RABEP1: variants seen among roughly 807,000 people sequenced by gnomAD.
RABEP1 encodes rab GTPase-binding effector protein 1.
A neutral mutation model predicts 123.4 loss-of-function variants in RABEP1; 51 were observed. The observed-to-expected ratio is 0.41, with a 90% confidence interval of 0.33 to 0.52. The LOEUF is 0.52. Ranked by LOEUF, RABEP1 falls within the 20% of genes least tolerant of loss-of-function variation. RABEP1 has a pLI of 0.16. For missense variants in RABEP1, 888 were observed against 996.3 expected (o/e 0.89, Z 1.46); for synonymous variants, 347 against 355.2 (o/e 0.98, Z 0.26).
chr17:5,365,502 C>T (rs1909933073), intron 11 of RABEP1, among the ~76,000 whole-genome samples: 1 of 151,946 alleles, frequency 6.6e-6, no homozygotes, highest in South Asian at 2.1e-4. Context: ...TTTCCTGCTG[C>T]ACTGGAAACT....
chr17:5,374,024 T>C (rs1286323970), intron 13 of RABEP1, among the ~76,000 whole-genome samples: 1 of 152,174 alleles, frequency 6.6e-6, no homozygotes, highest in East Asian at 1.9e-4. Flanking sequence ...TATCTAGTAC[T>C]TGAAAAGTTA....
In RABEP1 at chr17:5,350,502, C is replaced by A; in HGVS notation, c.836C>A (p.Thr279Lys). 1 of 1,614,052 alleles carries A rather than the reference C, an allele frequency of 6.2e-7. No homozygotes were observed. Among genetic ancestry groups the A allele is most frequent in the Non-Finnish European group, 8.5e-7 (1 of 1,179,988 alleles). Residue 279 changes from threonine (T) to lysine (K), a missense_variant, in exon 7 of 18, where the codon ACG (threonine) becomes AAG (lysine). Coordinates refer to ENST00000537505, the MANE Select transcript of RABEP1 (RefSeq NM_004703.6). The part of the protein sequence containing the change: ...ERQQHNQLKH[T>K]WQKANDQFLE... ...CAACAACACAACCAGTTAAAACATA[C>A]GTGGCAGAAGGCCAATGACCAGTTT...
chr17:5,354,844 C>T (rs1053281360), intron 8 of RABEP1, among the ~76,000 whole-genome samples: 1 of 152,124 alleles, frequency 6.6e-6, no homozygotes, highest in Admixed American at 6.6e-5. Flanking sequence ...TTATCTAAAG[C>T]GCTGAAATGC....
intron 1 of RABEP1, among the ~76,000 whole-genome samples, chr17:5,295,103 C>T (rs1217969886): frequency 6.6e-6 from 1 of 151,844 alleles, no homozygotes; most frequent in East Asian, 1.9e-4. Context: ...TTTTTGAGGA[C>T]AGATGCGGTG....
In RABEP1 at chr17:5,366,972, C is replaced by T. The variant is rs1303982328; in HGVS notation, c.1786-1398C>T. Reference sequence around the variant, plus strand: ...AGTGTTTCGGCGCATTCCTGTAATCCCAGCCACTTGGGAGGCTGAGGCAGG... The same window carrying T: ...AGTGTTTCGGCGCATTCCTGTAATCTCAGCCACTTGGGAGGCTGAGGCAGG... On this transcript the variant is annotated intron_variant, in intron 11 of 17. Transcript: ENST00000537505. Among the ~76,000 whole-genome samples, 8 of 151,232 alleles carry T rather than the reference C, an allele frequency of 5.3e-5. No homozygotes were observed. The East Asian group carries it at 6.2e-4, about 12-fold the overall frequency.
rs533495378 is a variant in RABEP1 at position 5,343,992 on chromosome 17, A to C, written c.649-2798A>C. 3.9e-4 allele frequency among the ~76,000 whole-genome samples: 60 copies of C among 152,232 alleles called. 1 individual carries two copies. The highest frequency in any genetic ancestry group is 1.4e-3 in the African/African-American group (59 of 41,552). On this transcript the variant is annotated intron_variant, in intron 5 of 17. Coordinates refer to ENST00000537505, the MANE Select transcript of RABEP1 (RefSeq NM_004703.6). ...TGCCTGGCCCAAGGTTTCCTAAATAAGACAAAAATATTGACTGTGAAAGGA... is the reference window on the plus strand; with the variant it reads ...TGCCTGGCCCAAGGTTTCCTAAATACGACAAAAATATTGACTGTGAAAGGA...
intron 1 of RABEP1, among the ~76,000 whole-genome samples, chr17:5,290,237 G>A (rs1052250262): frequency 6.6e-6 from 1 of 152,042 alleles, no homozygotes; most frequent in Non-Finnish European, 1.5e-5. Flanking sequence ...ACAGGCGCCC[G>A]CCACCACACC....
At chr17:5,289,821 T>C (rs1234021927) in intron 1 of RABEP1, among the ~76,000 whole-genome samples, 1 of 152,182 alleles carries the variant, frequency 6.6e-6, no homozygotes, top group African/African-American at 2.4e-5. Flanking sequence ...ACCTTTGAAC[T>C]AGCAGAGATA....
chr17:5,349,799 A>G (rs1908364175), intron 6 of RABEP1, among the ~76,000 whole-genome samples: 1 of 151,946 alleles, frequency 6.6e-6, no homozygotes, highest in African/African-American at 2.4e-5. Context: ...CATAATTAAG[A>G]CCCCGAGTTC....
At position 5,343,206 on chromosome 17, in the gene RABEP1, C is replaced by T. The variant is rs576137755; in HGVS notation, c.649-3584C>T. Among the ~76,000 whole-genome samples the T allele has an allele frequency of 3.3e-5, 5 of 152,154 alleles. No individual in the cohort carries two copies. In the South Asian group the frequency reaches 1.0e-3, roughly 32 times the overall value. On this transcript the variant is annotated intron_variant, in intron 5 of 17. Transcript: ENST00000537505. ...GGCGGAGGTTGCGGGGAGCCAAGAT[C>T]GCACCATTGCACTCCAGCCTAGGCG...
chr17:5,374,165 T>C lies in RABEP1; in HGVS notation c.2025+711T>C, dbSNP rs1235033786. The stretch of plus-strand genomic sequence containing the variant: ...CACTGCAACCTCCGCCTCACAGGTT[T>C]AAACGATTCTCCTGCCTCAGCCTCC... On this transcript the variant is annotated intron_variant, in intron 13 of 17. Transcript: ENST00000537505. 3.8e-3 allele frequency among the ~76,000 whole-genome samples: 568 copies of C among 150,174 alleles called. 3 individuals are homozygous for C. Among genetic ancestry groups the C allele is most frequent in the African/African-American group, 0.013 (538 of 40,342 alleles).
At chr17:5,308,189 G>A (rs1426518226) in intron 1 of RABEP1, among the ~76,000 whole-genome samples, 1 of 151,032 alleles carries the variant, frequency 6.6e-6, no homozygotes, top group East Asian at 1.9e-4. Flanking sequence ...CACTTTACAT[G>A]ACTCATTTAC....
At chr17:5,313,126 A>G (rs1297685713) in intron 2 of RABEP1, among the ~76,000 whole-genome samples, 1 of 152,190 alleles carries the variant, frequency 6.6e-6, no homozygotes, top group Non-Finnish European at 1.5e-5. Context: ...AATAAGTTCT[A>G]TCTGGTTATT....
chr17:5,306,252 A>G (rs937978390), intron 1 of RABEP1, among the ~76,000 whole-genome samples: 13 of 152,198 alleles, frequency 8.5e-5, no homozygotes, highest in African/African-American at 2.9e-4. Context: ...GCATACTTAC[A>G]TTCTCAGCCT....
chr17:5,289,177 C>CCTCT (rs2075008339), intron 1 of RABEP1, among the ~76,000 whole-genome samples: 2 of 150,406 alleles, frequency 1.3e-5, no homozygotes, highest in East Asian at 2.0e-4. Context: ...CTTCTTCTTC[C>CCTCT]TCTTCCTTTT....
intron 5 of RABEP1, among the ~76,000 whole-genome samples, chr17:5,342,511 GC>G (rs934674205): frequency 1.3e-5 from 2 of 152,084 alleles, no homozygotes; most frequent in Non-Finnish European, 2.9e-5. Context: ...GGTTGCGGAA[GC>G]CTGTAGTGCC....
At chr17:5,328,873 C>T (rs1235597613) in intron 2 of RABEP1, among the ~76,000 whole-genome samples, 3 of 149,690 alleles carry the variant, frequency 2.0e-5, no homozygotes, top group African/African-American at 7.4e-5. Context: ...ATCACTTGAA[C>T]CTGGGCGGCA....
chr17:5,328,872 A>C (rs1187149796), intron 2 of RABEP1, among the ~76,000 whole-genome samples: 2 of 149,458 alleles, frequency 1.3e-5, no homozygotes, highest in African/African-American at 4.9e-5. Flanking sequence ...AATCACTTGA[A>C]CCTGGGCGGC....
intron 1 of RABEP1, among the ~76,000 whole-genome samples, chr17:5,307,156 A>T (rs1288891074): frequency 6.6e-6 from 1 of 152,146 alleles, no homozygotes; most frequent in Non-Finnish European, 1.5e-5. Context: ...CGTCTCTACT[A>T]AAAATACAAA....
Sources: allele counts gnomAD v4.1 joint callset (sites outside exome capture counted in the v4.1 genomes callset), GRCh38; gene constraint gnomAD v4.1.1; transcripts MANE v1.5; gene names NCBI Gene and HGNC (gene_info 2026-07-23, HGNC 2026-07-21).